The following POLR1C variants were observed in gnomAD, a reference collection of about 807,000 sequenced individuals.
POLR1C encodes DNA-directed RNA polymerases I and III subunit RPAC1.
A neutral mutation model predicts 38.3 loss-of-function variants in POLR1C; 42 were observed. The observed-to-expected ratio is 1.10, with a 90% CI of 0.86 to 1.42. The LOEUF is 1.42. POLR1C is among the 40% of genes most tolerant of loss of function. POLR1C has a pLI of 0.00. For synonymous variants in POLR1C, 163 were observed against 163.9 expected (o/e 0.99, Z 0.04); for missense variants, 507 against 450.5 (o/e 1.13, Z -1.14).
intron 9 of POLR1C, chr6:43,539,382 T>G: frequency 6.3e-7 from 1 of 1,578,744 alleles, no homozygotes; most frequent in South Asian, 1.1e-5. Context: ...GGCATAATCT[T>G]CAAAACCTCA....
chr6:43,546,542 A>T lies in POLR1C; in HGVS notation c.*5-4426A>T, dbSNP rs752684421. 240 of 1,582,324 alleles carry T rather than the reference A, an allele frequency of 1.5e-4. 1 individual carries two copies. The highest frequency in any genetic ancestry group is 3.4e-4 in the Middle Eastern group (2 of 5,894). The stretch of plus-strand genomic sequence containing the variant: ...AAATTTTTAAGGTAAAGTAGAAAAC[A>T]ACAGAGAAAAGCCATTATTCTGACT... On this transcript the variant is annotated intron_variant, in intron 9 of 10. Coordinates refer to the POLR1C transcript ENST00000607635.
chr6:43,534,320 T>C (rs1794180891), downstream of POLR1C, among the ~76,000 whole-genome samples: 1 of 152,214 alleles, frequency 6.6e-6, no homozygotes, highest in Non-Finnish European at 1.5e-5. Context: ...CAGGAGTTTT[T>C]TGACCACCAG....
chr6:43,537,666 A>G (rs1794420189), intron 9 of POLR1C, among the ~76,000 whole-genome samples: 1 of 152,228 alleles, frequency 6.6e-6, no homozygotes. Context: ...TAACAAAAAT[A>G]AAGGAAAGTA....
intron 9 of POLR1C, chr6:43,547,773 G>A (rs1440049124): frequency 7.2e-7 from 1 of 1,396,328 alleles, no homozygotes; most frequent in Non-Finnish European, 1.0e-6. Flanking sequence ...TCTTCCACAG[G>A]AGTTAACAGG....
chr6:43,541,841 G>A (rs910361800), intron 9 of POLR1C, among the ~76,000 whole-genome samples: 5 of 152,086 alleles, frequency 3.3e-5, no homozygotes, highest in African/African-American at 9.7e-5. Context: ...GCAGTGGCAC[G>A]ATCTTAGCTC....
intron 9 of POLR1C, among the ~76,000 whole-genome samples, chr6:43,537,871 A>T (rs1277931990): frequency 6.6e-6 from 1 of 151,988 alleles, no homozygotes; most frequent in East Asian, 1.9e-4. Context: ...GTTTGAGACC[A>T]GCCTGGGTAA....
At chr6:43,561,049 A>G in intron 10 of POLR1C, 1 of 1,500,894 alleles carries the variant, frequency 6.7e-7, no homozygotes, top group Non-Finnish European at 9.3e-7. Flanking sequence ...TGATCGAGAA[A>G]AGCAGGAGAG....
chr6:43,524,828 C>A (rs1428876674), downstream of POLR1C: 5 of 1,608,958 alleles, frequency 3.1e-6, no homozygotes, highest in Non-Finnish European at 4.2e-6. Flanking sequence ...CTTCCCCACT[C>A]ACCAGTGCCT....
intron 9 of POLR1C, among the ~76,000 whole-genome samples, chr6:43,537,505 T>A (rs973959042): frequency 1.3e-5 from 2 of 152,198 alleles, no homozygotes; most frequent in Non-Finnish European, 2.9e-5. Flanking sequence ...CAACTCTGCA[T>A]TGAAGCGCAA....
chr6:43,536,068 A>G (rs1271735844), intron 9 of POLR1C, among the ~76,000 whole-genome samples: 1 of 151,750 alleles, frequency 6.6e-6, no homozygotes, highest in Non-Finnish European at 1.5e-5. Context: ...AGATCGTGCC[A>G]CTGCACTCCA....
At chr6:43,547,135 C>G (rs1404171490) in intron 9 of POLR1C, among the ~76,000 whole-genome samples, 1 of 152,128 alleles carries the variant, frequency 6.6e-6, no homozygotes, top group African/African-American at 2.4e-5. Flanking sequence ...GTGTCCTAAT[C>G]CCCCCTCACG....
chr6:43,520,085 G>C lies in POLR1C; in HGVS notation c.402G>C (p.Glu134Asp). 2 of 1,614,190 alleles carry C rather than the reference G, an allele frequency of 1.2e-6. No homozygotes were observed. Among genetic ancestry groups the C allele is most frequent in the South Asian group, 1.1e-5 (1 of 91,074 alleles). The change falls in exon 5 of 9, where the codon GAG becomes GAC. Residue 134 changes from glutamate (E) to aspartate (D), a missense_variant. By Grantham distance (45) the Glu-to-Asp change is conservative. Coordinates refer to ENST00000642195, the MANE Select transcript of POLR1C (RefSeq NM_203290.4). ...YRNQGDEEGTEIDTLQFRLQV... is the reference protein window; with the variant it reads ...YRNQGDEEGTDIDTLQFRLQV... Reference sequence around the variant, plus strand: ...GTGCAGGAGATGAAGAAGGCACAGAGATAGATACTCTACAGTTTCGTCTCC... The same window carrying C: ...GTGCAGGAGATGAAGAAGGCACAGACATAGATACTCTACAGTTTCGTCTCC...
At chr6:43,526,891 T>C in intron 8 of POLR1C, 1 of 771,958 alleles carries the variant, frequency 1.3e-6, no homozygotes, top group Non-Finnish European at 2.2e-6. Context: ...AAGAATTAGC[T>C]TCACCAATAG....
Position 43,521,459 on chromosome 6 carries a change from CTT to C in POLR1C, c.*163_*164del, listed in dbSNP as rs1793184871. 1 of 1,474,122 alleles carries C rather than the reference CTT, an allele frequency of 6.8e-7. No homozygotes were observed. Among genetic ancestry groups the C allele is most frequent in the Admixed American group, 2.3e-5 (1 of 44,394 alleles). The allele number at this position is 1,474,122 out of a possible 1,614,324, so 91.3% of individuals were successfully genotyped here. A position where few individuals can be genotyped will look rare whatever the true frequency, so the allele number is the denominator to read the frequency against. On this transcript the variant is annotated 3_prime_UTR_variant, in exon 9 of 9. Transcript: ENST00000642195. ...TTGTTAAATGTGCCATAAAATGAGA[CTT>C]TTTACGCCTTTATAAGGCCTTAGAT...
At position 43,520,435 on chromosome 6, in the gene POLR1C, C is replaced by T. The variant is rs1158847871; in HGVS notation, c.655+8C>T. On this transcript the variant is annotated splice_region_variant and intron_variant, in intron 6 of 8. Coordinates refer to ENST00000642195, the MANE Select transcript of POLR1C (RefSeq NM_203290.4). ...ACTGTGTCAAGGGCATTGGTGAGAA[C>T]CCTGTGTGCCTTCCTGGGAAGGGGG... The T allele has an allele frequency of 1.9e-6, 3 of 1,613,246 alleles. No homozygotes were observed. In the Admixed American group the frequency reaches 5.0e-5, roughly 27 times the overall value.
At chr6:43,532,240 G>C (rs1794032960), downstream of POLR1C, among the ~76,000 whole-genome samples, 1 of 151,656 alleles carries the variant, frequency 6.6e-6, no homozygotes, top group African/African-American at 2.4e-5. Context: ...CCCTTAAATG[G>C]AATGGTGTCA....
At chr6:43,546,897 A>G (rs1794990858) in intron 9 of POLR1C, 2 of 834,156 alleles carry the variant, frequency 2.4e-6, no homozygotes, top group Non-Finnish European at 1.8e-6. Flanking sequence ...GCAATCCCCC[A>G]TCCCTTCCTT....
At chr6:43,520,585 A>G (rs756505140) in intron 6 of POLR1C, 40 bp from the exon 7 acceptor site, 48 of 1,611,494 alleles carry the variant, frequency 3.0e-5, no homozygotes, top group Non-Finnish European at 3.6e-5. Flanking sequence ...TCCTAACCCT[A>G]GAAGGGTTTC....
chr6:43,554,824 C>A (rs993436358), intron 10 of POLR1C: 3 of 152,124 alleles, frequency 2.0e-5, no homozygotes, highest in Non-Finnish European at 4.4e-5. Flanking sequence ...TTTCAAGTTA[C>A]CAAATATCAG....
Sources: allele counts gnomAD v4.1 joint callset (sites outside exome capture counted in the v4.1 genomes callset), GRCh38; gene constraint gnomAD v4.1.1; transcripts MANE v1.5; gene names NCBI Gene and HGNC (gene_info 2026-07-23, HGNC 2026-07-21).